Variants in C6orf141 observed in about 807,000 individuals in gnomAD.
The protein encoded by C6orf141 is chromosome 6 open reading frame 141, also known as uncharacterized protein C6orf141.
For missense variants in C6orf141, 361 were observed against 335.8 expected (o/e 1.07, Z -0.59); for synonymous variants, 164 against 140.5 (o/e 1.17, Z -1.18).
chr6:49,559,165 CATATATATATATATATATATATATAT>C (rs66650945), intron 4 of C6orf141, among the ~76,000 whole-genome samples: 734 of 37,332 alleles, frequency 0.02, 22 homozygotes, highest in South Asian at 0.026. Flanking sequence ...GGTCATTGTC[CATATATATATATATATATATATATAT>C]ATATATATAT....
intron 4 of C6orf141, among the ~76,000 whole-genome samples, chr6:49,558,739 G>A (rs770820332): frequency 7.9e-5 from 12 of 151,646 alleles, no homozygotes; most frequent in Admixed American, 2.0e-4. Context: ...ATGGAGTCTT[G>A]CTCTGTTGCC....
chr6:49,554,608 C>A (rs1581901343), downstream of C6orf141, among the ~76,000 whole-genome samples: 1 of 152,190 alleles, frequency 6.6e-6, no homozygotes, highest in South Asian at 2.1e-4. Flanking sequence ...ATCTCGATCT[C>A]CTTGACCTTG....
exon 5 of C6orf141, chr6:49,561,807 C>T (rs1773346281): frequency 6.6e-6 from 1 of 151,858 alleles, no homozygotes; most frequent in Non-Finnish European, 1.5e-5. Flanking sequence ...ACCTCAGCCT[C>T]CCAAGTAGCT....
Position 49,551,888 on chromosome 6 carries a change from A to C in C6orf141, c.*361A>C. The stretch of plus-strand genomic sequence containing the variant: ...CCTCTTGTTTCTCTTTAGGACCTAG[A>C]AACAGAAGTGAAGTTTGAAGTCTGC... On this transcript the variant is annotated 3_prime_UTR_variant, in exon 1 of 1. Transcript: ENST00000529246. The C allele has an allele frequency of 9.0e-7, 1 of 1,116,148 alleles. No homozygotes were observed. Among genetic ancestry groups the C allele is most frequent in the Non-Finnish European group, 1.1e-6 (1 of 902,282 alleles). The allele number at this position is 1,116,148 out of a possible 1,614,324, so 69.1% of individuals were successfully genotyped here.
At chr6:49,557,092 A>C (rs1379389830), downstream of C6orf141, among the ~76,000 whole-genome samples, 1 of 152,124 alleles carries the variant, frequency 6.6e-6, no homozygotes, top group Non-Finnish European at 1.5e-5. Context: ...CATCTCTATT[A>C]AAAATACAGA....
At chr6:49,561,313 G>T (rs888966737) in intron 4 of C6orf141, among the ~76,000 whole-genome samples, 1 of 152,052 alleles carries the variant, frequency 6.6e-6, no homozygotes, top group African/African-American at 2.4e-5. Context: ...TGGCCAGGCT[G>T]GTCTCAAACT....
In C6orf141 at chr6:49,551,373, C is replaced by G; in HGVS notation, c.581C>G (p.Thr194Ser). Residue 194 changes from threonine (T) to serine (S), a missense_variant, in exon 1 of 1, where the codon ACT becomes AGT. By Grantham distance (58) the Thr-to-Ser change is moderately conservative (BLOSUM62 1). Transcript: ENST00000529246. ...GAGGAGCACTTCGTGACCGCGCTCA[C>G]TTTTCGCAGCAGTAGAGAGGGACAG... ...RTEEHFVTAL[T>S]FRSSREGQPG... 1 of 1,551,710 alleles carries G rather than the reference C, an allele frequency of 6.4e-7. No homozygotes were observed. The highest frequency in any genetic ancestry group is 8.7e-7 in the Non-Finnish European group (1 of 1,146,990).
chr6:49,551,605 C>G lies in C6orf141; in HGVS notation c.*78C>G. 6.6e-7 allele frequency: 1 copy of G among 1,519,702 alleles called. No individual in the cohort carries two copies. Among genetic ancestry groups the G allele is most frequent in the Non-Finnish European group, 8.8e-7 (1 of 1,137,154 alleles). The allele number at this position is 1,519,702 out of a possible 1,614,324, so 94.1% of individuals were successfully genotyped here. ...GAAAATGCTATTCTGGGAGCTCCAA[C>G]CTGCAATTAACCTACAGAAGGAACC... On this transcript the variant is annotated 3_prime_UTR_variant, in exon 1 of 1. Coordinates refer to ENST00000529246, the MANE Select transcript of C6orf141 (RefSeq NM_001145652.2).
chr6:49,555,221 C>T (rs1184423596), downstream of C6orf141: 1 of 152,210 alleles, frequency 6.6e-6, no homozygotes, highest in African/African-American at 2.4e-5. Context: ...GGAATCATTA[C>T]ATTTGACTTA....
At position 49,551,112 on chromosome 6, in the gene C6orf141, G is replaced by C. The variant is rs1237398661; in HGVS notation, c.320G>C (p.Arg107Pro). The C allele has an allele frequency of 6.4e-6, 10 of 1,551,582 alleles. No homozygotes were observed. The African/African-American group carries it at 1.1e-4, about 17-fold the overall frequency. ...RWLGTRGDPAREEVAGAEDLP... is the reference protein window; with the variant it reads ...RWLGTRGDPAPEEVAGAEDLP... ...TTAGGGACTCGAGGGGACCCTGCAC[G>C]GGAAGAGGTGGCCGGTGCAGAGGAC... The change falls in exon 1 of 1, where the codon CGG becomes CCG. Residue 107 changes from arginine (R) to proline (P), a missense_variant. Arg to Pro is a moderately radical substitution (Grantham distance 103). Coordinates refer to ENST00000529246, the MANE Select transcript of C6orf141 (RefSeq NM_001145652.2).
chr6:49,560,119 G>A (rs1272204974), intron 4 of C6orf141, among the ~76,000 whole-genome samples: 1 of 152,098 alleles, frequency 6.6e-6, no homozygotes, highest in African/African-American at 2.4e-5. Context: ...TTCGAAACCA[G>A]CCTGACTAAC....
At chr6:49,559,710 A>G (rs1772885773) in intron 4 of C6orf141, among the ~76,000 whole-genome samples, 1 of 152,188 alleles carries the variant, frequency 6.6e-6, no homozygotes, top group Admixed American at 6.5e-5. Context: ...AGGTCCCTGG[A>G]AAAGTGGGCA....
chr6:49,552,406 T>C (rs538982063), downstream of C6orf141: 3 of 152,326 alleles, frequency 2.0e-5, no homozygotes, highest in African/African-American at 4.8e-5. Context: ...AAACAACTAA[T>C]TTTTCTTATT....
chr6:49,558,974 T>C (rs532347821), intron 4 of C6orf141, among the ~76,000 whole-genome samples: 212 of 151,808 alleles, frequency 1.4e-3, no homozygotes, highest in African/African-American at 5.0e-3. Flanking sequence ...CCCAAAGTGG[T>C]GGGATTACAG....
chr6:49,552,540 G>T (rs1017198906), downstream of C6orf141: 2 of 152,262 alleles, frequency 1.3e-5, no homozygotes, highest in Admixed American at 6.5e-5. Context: ...ACCACCTGAA[G>T]GAGTATTTAC....
At position 49,551,191 on chromosome 6, in the gene C6orf141, C is replaced by G. The variant is rs1163366180; in HGVS notation, c.399C>G (p.Val133=). Residue 133 remains valine (V), a synonymous_variant, in exon 1 of 1, where the codon GTC becomes GTG. Coordinates refer to ENST00000529246, the MANE Select transcript of C6orf141 (RefSeq NM_001145652.2). ...GCGAGGAGCCCAACTACCCTTCTGT[C>G]TTTCAACGACAAAAGCGAATTTCTG... ...DHGEEPNYPS[V]FQRQKRISGR... 1 of 1,551,628 alleles carries G rather than the reference C, an allele frequency of 6.4e-7. No homozygotes were observed. Among genetic ancestry groups the G allele is most frequent in the East Asian group, 2.4e-5 (1 of 40,902 alleles).
chr6:49,552,007 A>C lies in C6orf141; in HGVS notation c.*480A>C, dbSNP rs142958452. 697 of 924,162 alleles carry C rather than the reference A, an allele frequency of 7.5e-4. 5 individuals carry two copies. The African/African-American group carries it at 0.012, about 15-fold the overall frequency. 57.2% of individuals were successfully genotyped at this position (924,162 alleles called of 1,614,324 possible). A position where few individuals can be genotyped will look rare whatever the true frequency, so the allele number is the denominator to read the frequency against. On this transcript the variant is annotated 3_prime_UTR_variant, in exon 1 of 1. Transcript: ENST00000529246. ...AGAAATGGGAAAGTAAAACCAAAGCAGCAAGTGACTCTCTTCTGATGTGCA... is the reference window on the plus strand; with the variant it reads ...AGAAATGGGAAAGTAAAACCAAAGCCGCAAGTGACTCTCTTCTGATGTGCA...
At chr6:49,558,717 G>T (rs181156463) in intron 4 of C6orf141, among the ~76,000 whole-genome samples, 9 of 151,536 alleles carry the variant, frequency 5.9e-5, no homozygotes, top group South Asian at 2.1e-4. Context: ...TTTTTTTTGG[G>T]GGGGGTGCGG....
rs1032724778 is a variant in C6orf141, at chr6:49,551,286, A to G, written c.494A>G (p.Tyr165Cys). 10 of 1,551,622 alleles carry G rather than the reference A, an allele frequency of 6.4e-6. No individual in the cohort carries two copies. The highest frequency in any genetic ancestry group is 3.9e-5 in the Admixed American group (2 of 50,988). The part of the protein sequence containing the change: ...PKYVLVRVED[Y>C]QVTQEVLQTS... The stretch of plus-strand genomic sequence containing the variant: ...TACGTGCTTGTGCGGGTGGAGGATT[A>G]TCAGGTAACACAAGAAGTGTTGCAG... The change falls in exon 1 of 1, where the codon TAT becomes TGT. Residue 165 changes from tyrosine (Y) to cysteine (C), a missense_variant. Transcript: ENST00000529246.
Sources: allele counts gnomAD v4.1 joint callset (sites outside exome capture counted in the v4.1 genomes callset), GRCh38; gene constraint gnomAD v4.1.1; transcripts MANE v1.5; gene names NCBI Gene and HGNC (gene_info 2026-07-23, HGNC 2026-07-21).